Variants in ASIC2 observed in about 807,000 individuals in gnomAD.
The protein encoded by ASIC2 is acid sensing ion channel subunit 2, also known as acid-sensing ion channel 2.
A neutral mutation model predicts 57.3 loss-of-function variants in ASIC2; 25 were observed. The ratio of observed to expected loss-of-function variants is 0.44; its 90% CI spans 0.32 to 0.61. ASIC2 has a LOEUF of 0.61. ASIC2 is among the 20% of genes least tolerant of loss of function. ASIC2 has a pLI of 0.06. For synonymous variants in ASIC2, 319 were observed against 307.5 expected, an observed-to-expected ratio of 1.04 and a Z score of -0.39; for missense variants, 641 against 738.1, an observed-to-expected ratio of 0.87 and a Z score of 1.52.
Position 34,156,736 on chromosome 17 carries a change from G to A in ASIC2, c.-204C>T. 1.8e-6 allele frequency: 1 copy of A among 568,168 alleles called. No homozygotes were observed. The highest frequency in any genetic ancestry group is 3.0e-6 in the Non-Finnish European group (1 of 329,366). 35.2% of individuals were successfully genotyped at this position (568,168 alleles called of 1,614,324 possible). The stretch of plus-strand genomic sequence containing the variant: ...TTATATAAAACCCATTCAAACTCTA[G>A]CTCTTGATTTTTTCCAGGCGATAAG... On this transcript the variant is annotated 5_prime_UTR_variant, in exon 1 of 10. Coordinates refer to the ASIC2 transcript ENST00000359872. The surrounding 1 kb of genome is among the most constrained non-coding windows in gnomAD (Gnocchi z 4.4).
At chr17:34,083,670 C>T (rs1388878701) in intron 1 of ASIC2, among the ~76,000 whole-genome samples, 4 of 152,200 alleles carry the variant, frequency 2.6e-5, no homozygotes, top group Non-Finnish European at 5.9e-5. Flanking sequence ...TCTCCACATC[C>T]TCTCCAGCAC....
At chr17:33,213,690 C>T (rs184268473) in intron 1 of ASIC2, among the ~76,000 whole-genome samples, 1 of 152,316 alleles carries the variant, frequency 6.6e-6, no homozygotes, top group East Asian at 1.9e-4. Flanking sequence ...AGCTGGTGAG[C>T]TCCCCTTCTT....
At chr17:33,024,594 C>A (rs1019313525) in intron 5 of ASIC2, among the ~76,000 whole-genome samples, 2 of 152,238 alleles carry the variant, frequency 1.3e-5, no homozygotes, top group African/African-American at 4.8e-5. Context: ...CAAAGACTTT[C>A]TCCCTGATCA....
Position 34,156,409 on chromosome 17 carries a change from G to T in ASIC2, c.124C>A (p.Arg42Ser). The T allele has an allele frequency of 1.2e-6, 2 of 1,614,200 alleles. No homozygotes were observed. The highest frequency in any genetic ancestry group is 1.7e-6 in the Non-Finnish European group (2 of 1,180,046). The change falls in exon 1 of 10, where the codon CGT becomes AGT. Residue 42 changes from arginine to serine, a missense_variant. Arg to Ser is a moderately radical substitution (Grantham distance 110). Coordinates refer to the ASIC2 transcript ENST00000359872. This position sits in a 1 kb window ranked among gnomAD's most constrained non-coding sequence, Gnocchi z 4.4. ...ACGAAGGCCACTGCCCACAGCACAC[G>T]CCGGATGGTCAGCGGCCCATACACG...
chr17:33,458,404 T>G (rs1198599440), intron 1 of ASIC2, among the ~76,000 whole-genome samples: 1 of 151,766 alleles, frequency 6.6e-6, no homozygotes, highest in Non-Finnish European at 1.5e-5. Flanking sequence ...TTTTTAAAAC[T>G]TTTATGTTTG....
At position 33,683,870 on chromosome 17, in the gene ASIC2, G is replaced by C. The variant is rs192713699; in HGVS notation, c.555+472108C>G. Among the ~76,000 whole-genome samples, 449 of 152,230 alleles carry C rather than the reference G, an allele frequency of 2.9e-3. 3 individuals are homozygous for C. Among genetic ancestry groups the C allele is most frequent in the African/African-American group, 0.01 (425 of 41,534 alleles). ...CGGATTAGGAGCCCACCCTTTTCCC[G>C]TAGGGCCTCATCTTGACTCTACCAA... On this transcript the variant is annotated intron_variant, in intron 1 of 9. Coordinates refer to the ASIC2 transcript ENST00000359872.
At chr17:33,634,514 CTTTTT>C (rs71144891) in intron 1 of ASIC2, among the ~76,000 whole-genome samples, 1 of 118,496 alleles carries the variant, frequency 8.4e-6, no homozygotes, top group Non-Finnish European at 1.7e-5. Context: ...ACTTTTTTTT[CTTTTT>C]TTTTTTTTTT....
chr17:33,437,081 GGTCTCGATCTCCT>G (rs1911649867), intron 1 of ASIC2, among the ~76,000 whole-genome samples: 1 of 151,146 alleles, frequency 6.6e-6, no homozygotes, highest in South Asian at 2.1e-4. Context: ...TAGCCAGGAT[GGTCTCGATCTCCT>G]GACCTCGTGA....
chr17:33,102,510 C>A (rs767145254), intron 2 of ASIC2, among the ~76,000 whole-genome samples: 8 of 152,158 alleles, frequency 5.3e-5, no homozygotes, highest in Non-Finnish European at 7.3e-5. Context: ...TCCATCTGGA[C>A]AATCATGTAG....
At chr17:33,611,329 G>A (rs1008271464) in intron 1 of ASIC2, among the ~76,000 whole-genome samples, 4 of 152,092 alleles carry the variant, frequency 2.6e-5, no homozygotes, top group Non-Finnish European at 5.9e-5. Context: ...GCTCACACGC[G>A]ACCCTTCCCC....
chr17:34,010,843 C>A (rs1394557355), intron 1 of ASIC2, among the ~76,000 whole-genome samples: 1 of 151,808 alleles, frequency 6.6e-6, no homozygotes, highest in Non-Finnish European at 1.5e-5. Context: ...ACCAATAAAA[C>A]ACTCCAGGCT....
chr17:33,817,796 T>C (rs569550624), intron 1 of ASIC2, among the ~76,000 whole-genome samples: 1 of 152,182 alleles, frequency 6.6e-6, no homozygotes. Flanking sequence ...GGACAGCTCA[T>C]TTTTGCTCTA....
At chr17:33,400,697 A>G (rs1298128092) in intron 1 of ASIC2, among the ~76,000 whole-genome samples, 1 of 152,144 alleles carries the variant, frequency 6.6e-6, no homozygotes, top group Non-Finnish European at 1.5e-5. Flanking sequence ...ATTCCATTCC[A>G]AGGCCTATTC....
chr17:33,920,084 C>G (rs967381181), intron 1 of ASIC2, among the ~76,000 whole-genome samples: 1 of 152,194 alleles, frequency 6.6e-6, no homozygotes, highest in Non-Finnish European at 1.5e-5. Context: ...AATATAAATT[C>G]GTTCAGCCAC....
At chr17:33,780,546 C>A (rs1021987189) in intron 1 of ASIC2, among the ~76,000 whole-genome samples, 1 of 152,208 alleles carries the variant, frequency 6.6e-6, no homozygotes, top group Non-Finnish European at 1.5e-5. Context: ...AGTTTTACAG[C>A]CAAAGGGACC....
chr17:33,505,156 G>C (rs1001258672), intron 1 of ASIC2, among the ~76,000 whole-genome samples: 1 of 152,068 alleles, frequency 6.6e-6, no homozygotes, highest in Middle Eastern at 3.4e-3. Context: ...TGGTGGGCGG[G>C]GCACGTGAGC....
intron 1 of ASIC2, chr17:34,004,718 AGCTTCTT>A (rs1334274502): frequency 2.0e-5 from 3 of 152,188 alleles, no homozygotes; most frequent in African/African-American, 7.2e-5. Context: ...AGTAAATATG[AGCTTCTT>A]GCCCATTCAA....
At chr17:34,102,336 AAAT>A (rs1399979083) in intron 1 of ASIC2, among the ~76,000 whole-genome samples, 1 of 152,038 alleles carries the variant, frequency 6.6e-6, no homozygotes, top group East Asian at 1.9e-4. Flanking sequence ...TCTAAAAAAT[AAAT>A]AAATAAATAA....
At chr17:34,043,115 G>C (rs985197253) in intron 1 of ASIC2, among the ~76,000 whole-genome samples, 1 of 152,186 alleles carries the variant, frequency 6.6e-6, no homozygotes, top group South Asian at 2.1e-4. Context: ...GAAATTAAGA[G>C]AGCATTGACT....
Sources: gnomAD v4.1 joint callset for allele counts (sites outside exome capture counted in the v4.1 genomes callset) on GRCh38, gnomAD v4.1.1 for gene constraint, Gnocchi (gnomAD v3.1) non-coding constraint, MANE v1.5 for transcripts, NCBI Gene and HGNC (gene_info 2026-07-23, HGNC 2026-07-21) for gene names.